SLC25A27: variants seen among roughly 807,000 people sequenced by gnomAD.
SLC25A27 encodes the protein mitochondrial uncoupling protein 4.
In SLC25A27, 35 loss-of-function variants were observed where a neutral mutation model predicts 49.1. That is an observed-to-expected ratio of 0.71 (90% CI 0.54 to 0.95). The LOEUF (loss-of-function observed/expected upper bound fraction) is 0.95, where lower values mean the gene tolerates loss of function less well. Ranked by LOEUF, SLC25A27 falls within the 40% of genes least tolerant of loss-of-function variation. The probability of loss-of-function intolerance (pLI) is 0.00; values close to 1 mark genes in which losing one functional copy is unlikely to be tolerated. For synonymous variants in SLC25A27, 144 were observed against 136.9 expected (o/e 1.05, Z -0.36); for missense variants, 339 against 397.1 (o/e 0.85, Z 1.24).
At position 46,664,900 on chromosome 6, in the gene SLC25A27, T is replaced by G; in HGVS notation, c.619+14T>G. ...TGAATATGGGAGGTAATGAAAACTT[T>G]GTTAAATTCTAAAAAGTCCTAATTG... On this transcript the variant is annotated intron_variant, in intron 5 of 8. Coordinates refer to ENST00000371347, the MANE Select transcript of SLC25A27 (RefSeq NM_004277.5). 10 of 1,431,012 alleles carry G rather than the reference T, an allele frequency of 7.0e-6. No homozygotes were observed. The highest frequency in any genetic ancestry group is 2.1e-5 in the Admixed American group (1 of 48,366). 88.6% of individuals were successfully genotyped at this position (1,431,012 alleles called of 1,614,324 possible). A position where few individuals can be genotyped will look rare whatever the true frequency, so the allele number is the denominator to read the frequency against.
intron 5 of SLC25A27, among the ~76,000 whole-genome samples, chr6:46,666,947 C>T (rs1006920872): frequency 1.3e-5 from 2 of 152,152 alleles, no homozygotes; most frequent in Non-Finnish European, 2.9e-5. Flanking sequence ...CAAACTCATA[C>T]ACTTTTCTCC....
rs2150665540 is a variant in SLC25A27 at position 46,676,951 on chromosome 6, C to T, written c.*497C>T. 1 of 385,414 alleles carries T rather than the reference C, an allele frequency of 2.6e-6. No homozygotes were observed. The highest frequency in any genetic ancestry group is 4.6e-6 in the Non-Finnish European group (1 of 216,858). The allele number at this position is 385,414 out of a possible 1,614,324, so 23.9% of individuals were successfully genotyped here. On this transcript the variant is annotated 3_prime_UTR_variant, in exon 9 of 9. Transcript: ENST00000371347. ...TTCTGTCATTGTTAAAGCGTACATA[C>T]TGTAAATTAAAGGGAGGTGAATGGA... is the stretch of plus-strand genomic sequence containing the variant.
intron 2 of SLC25A27, chr6:46,658,672 A>G (rs1369133044): frequency 2.4e-6 from 1 of 422,682 alleles, no homozygotes; most frequent in East Asian, 5.1e-5. Flanking sequence ...TCTGAAAAAC[A>G]TGTTTTTGAG....
Position 46,656,152 on chromosome 6 carries a change from A to G in SLC25A27, c.298+118A>G, listed in dbSNP as rs1353104338. 4 of 707,610 alleles carry G rather than the reference A, an allele frequency of 5.7e-6. No homozygotes were observed. In the African/African-American group the frequency reaches 7.4e-5, roughly 13 times the overall value. 43.8% of individuals were successfully genotyped at this position (707,610 alleles called of 1,614,324 possible). On this transcript the variant is annotated intron_variant, in intron 2 of 8. Coordinates refer to ENST00000371347, the MANE Select transcript of SLC25A27 (RefSeq NM_004277.5). ...TATCTTACTGATACAATAACTGAAC[A>G]CATACAGCACATAGTCTTTTTTTAT...
chr6:46,653,166 T>C lies in SLC25A27; in HGVS notation c.-27T>C. 1.9e-6 allele frequency: 3 copies of C among 1,595,218 alleles called. No individual in the cohort carries two copies. Among genetic ancestry groups the C allele is most frequent in the South Asian group, 1.1e-5 (1 of 89,752 alleles). On this transcript the variant is annotated 5_prime_UTR_variant, in exon 1 of 9. Coordinates refer to ENST00000371347, the MANE Select transcript of SLC25A27 (RefSeq NM_004277.5). ...GGTGCAGCGCAGCGGCGAGAAGGAG[T>C]GCGTTATCGTCTTGCGCTACTGCTG... is the stretch of plus-strand genomic sequence containing the variant.
intron 6 of SLC25A27, among the ~76,000 whole-genome samples, chr6:46,669,922 C>T (rs58129881): frequency 7.2e-4 from 110 of 152,300 alleles, no homozygotes; most frequent in African/African-American, 2.6e-3. Flanking sequence ...ATGCTTGACA[C>T]CAGCAGGTGC....
Position 46,656,709 on chromosome 6 carries a change from G to A in SLC25A27, c.298+675G>A, listed in dbSNP as rs139917360. Among the ~76,000 whole-genome samples, 1,012 of 152,228 alleles carry A rather than the reference G, an allele frequency of 6.6e-3. 2 individuals are homozygous for A. Among genetic ancestry groups the A allele is most frequent in the Middle Eastern group, 0.017 (5 of 294 alleles). Reference sequence around the variant, plus strand: ...GCTAGGATTACAGGCGTGAGCCGCCGTGCCCAGCCAGAACACATATAGTCT... The same window carrying A: ...GCTAGGATTACAGGCGTGAGCCGCCATGCCCAGCCAGAACACATATAGTCT... On this transcript the variant is annotated intron_variant, in intron 2 of 8. Coordinates refer to ENST00000371347, the MANE Select transcript of SLC25A27 (RefSeq NM_004277.5).
chr6:46,653,130 C>T lies in SLC25A27; in HGVS notation c.-63C>T, dbSNP rs919951721. 23 of 1,503,316 alleles carry T rather than the reference C, an allele frequency of 1.5e-5. No individual in the cohort carries two copies. In the African/African-American group the frequency reaches 3.0e-4, roughly 20 times the overall value. The allele number at this position is 1,503,316 out of a possible 1,614,324, so 93.1% of individuals were successfully genotyped here. A position where few individuals can be genotyped will look rare whatever the true frequency, so the allele number is the denominator to read the frequency against. ...GGGGCCGCCCTGGCAGGGAAGCGGC[C>T]GCCGCGGCGCGGTGCAGCGCAGCGG... On this transcript the variant is annotated 5_prime_UTR_variant, in exon 1 of 9. Coordinates refer to ENST00000371347, the MANE Select transcript of SLC25A27 (RefSeq NM_004277.5).
chr6:46,658,903 A>C (rs1424021909), intron 2 of SLC25A27, 59 bp from the exon 3 acceptor site: 1 of 1,114,990 alleles, frequency 9.0e-7, no homozygotes, highest in Admixed American at 1.7e-5. Context: ...TTTTATACAT[A>C]CATAAGCATA....
intron 8 of SLC25A27, among the ~76,000 whole-genome samples, chr6:46,671,556 A>T (rs1223765234): frequency 1.3e-5 from 2 of 152,002 alleles, no homozygotes; most frequent in African/African-American, 4.8e-5. Flanking sequence ...TAGAATATAT[A>T]TACAGATTTT....
Position 46,678,033 on chromosome 6 carries a change from TATATATATATA to T in SLC25A27, c.*1580_*1590del, listed in dbSNP as rs1562046130. 9.4e-3 allele frequency: 392 copies of T among 41,894 alleles called. 6 individuals carry two copies. The highest frequency in any genetic ancestry group is 0.026 in the African/African-American group (368 of 14,134). 2.6% of individuals were successfully genotyped at this position (41,894 alleles called of 1,614,324 possible). ...TATGTAATTGCGTTGTAAAATATTA[TATATATATATA>T]TATATATATATATATATATATGCTT... On this transcript the variant is annotated 3_prime_UTR_variant, in exon 9 of 9. Transcript: ENST00000371347.
intron 1 of SLC25A27, chr6:46,653,846 A>G (rs1054263062): frequency 6.1e-6 from 6 of 985,178 alleles, no homozygotes; most frequent in African/African-American, 1.7e-5. Context: ...TGATTGCTAA[A>G]CCCAAGGCAG....
At chr6:46,653,485 C>A (rs1478645922) in intron 1 of SLC25A27, 187 bp downstream of exon 1, 1 of 985,354 alleles carries the variant, frequency 1.0e-6, no homozygotes, top group Non-Finnish European at 1.2e-6. Context: ...TCTCCACGGC[C>A]TTTTCCTTCT....
chr6:46,653,349 C>A, intron 1 of SLC25A27, 51 bp downstream of exon 1: 1 of 1,565,406 alleles, frequency 6.4e-7, no homozygotes, highest in South Asian at 1.2e-5. Flanking sequence ...ACGCGCCGCG[C>A]TGGGGGAGGG....
rs1763342487 is a variant in SLC25A27 at position 46,666,881 on chromosome 6, A to G, written c.620-1828A>G. Among the ~76,000 whole-genome samples the G allele has an allele frequency of 2.0e-5, 3 of 152,024 alleles. No individual in the cohort carries two copies. The South Asian group carries it at 6.2e-4, about 31-fold the overall frequency. On this transcript the variant is annotated intron_variant, in intron 5 of 8. Coordinates refer to ENST00000371347, the MANE Select transcript of SLC25A27 (RefSeq NM_004277.5). ...TTGGCTCTTCTCTTTCATTTGCTCC[A>G]TTGCTTATATCCAAGCAGTCACCAA...
At chr6:46,665,254 C>T (rs138423660) in intron 5 of SLC25A27, among the ~76,000 whole-genome samples, 4 of 152,256 alleles carry the variant, frequency 2.6e-5, no homozygotes, top group Non-Finnish European at 4.4e-5. Flanking sequence ...CCCTGGCAAT[C>T]CTGCTCCTAT....
In SLC25A27 at chr6:46,664,873, G is replaced by T; in HGVS notation, c.606G>T (p.Leu202=). 6.4e-7 allele frequency: 1 copy of T among 1,562,910 alleles called. No homozygotes were observed. Among genetic ancestry groups the T allele is most frequent in the Admixed American group, 1.8e-5 (1 of 54,648 alleles). Reference sequence around the variant, plus strand: ...TACCCAATATACAAAGAGCAGCACTGGTGAATATGGGAGGTAATGAAAACT... The same window carrying T: ...TACCCAATATACAAAGAGCAGCACTTGTGAATATGGGAGGTAATGAAAACT... ...GWVPNIQRAA[L]VNMGDLTTYD... is the part of the protein sequence containing the mutation. The change falls in exon 5 of 9, where the codon CTG becomes CTT. Residue 202 remains leucine, a synonymous_variant. Coordinates refer to ENST00000371347, the MANE Select transcript of SLC25A27 (RefSeq NM_004277.5).
chr6:46,671,080 T>TA, intron 7 of SLC25A27, 46 bp from the exon 8 acceptor site: 1 of 1,293,864 alleles, frequency 7.7e-7, no homozygotes, highest in Non-Finnish European at 1.1e-6. Context: ...TACATATATA[T>TA]TTTTTTACAC....
At chr6:46,661,702 T>C (rs1391423906) in intron 3 of SLC25A27, among the ~76,000 whole-genome samples, 1 of 152,236 alleles carries the variant, frequency 6.6e-6, no homozygotes, top group African/African-American at 2.4e-5. Context: ...ATTCAACTGC[T>C]CTATGCTTCA....
Sources: gnomAD v4.1 joint callset for allele counts (sites outside exome capture counted in the v4.1 genomes callset) on GRCh38, gnomAD v4.1.1 for gene constraint, MANE v1.5 for transcripts, NCBI Gene and HGNC (gene_info 2026-07-23, HGNC 2026-07-21) for gene names.